The following FBXL2 variants were observed in gnomAD, a reference collection of about 807,000 sequenced individuals.
The protein encoded by FBXL2 is F-box/LRR-repeat protein 2.
Under a neutral mutation model 69.2 loss-of-function variants are expected in FBXL2, and 38 were observed. That is an observed-to-expected ratio of 0.55 (90% confidence interval 0.42 to 0.72). The LOEUF is 0.72. FBXL2 is among the 30% of genes least tolerant of loss of function. FBXL2 has a pLI of 0.00. For synonymous variants in FBXL2, 192 were observed against 201.3 expected, an observed-to-expected ratio of 0.95 and a Z score of 0.39; for missense variants, 354 against 520.3, an observed-to-expected ratio of 0.68 and a Z score of 3.11.
At chr3:33,357,679 G>A (rs900831611) in intron 2 of FBXL2, among the ~76,000 whole-genome samples, 23 of 151,914 alleles carry the variant, frequency 1.5e-4, no homozygotes, top group Non-Finnish European at 2.8e-4. Flanking sequence ...ACAGGTGCCC[G>A]CCACCTCGCC....
chr3:33,411,530 A>G, the FBXL2 span: 1 of 1,489,966 alleles, frequency 6.7e-7, no homozygotes, highest in Non-Finnish European at 9.4e-7. Flanking sequence ...CAATCCTACC[A>G]TGACCTAAAT....
chr3:33,408,541 C>G (rs368364400), downstream of FBXL2: 5 of 569,638 alleles, frequency 8.8e-6, no homozygotes, highest in East Asian at 6.5e-5. Context: ...GAGGAACAAA[C>G]AGAAGCAGGA....
chr3:33,287,989 A>G (rs1355339835), intron 1 of FBXL2, among the ~76,000 whole-genome samples: 1 of 152,058 alleles, frequency 6.6e-6, no homozygotes, highest in Non-Finnish European at 1.5e-5. Flanking sequence ...TCAGATATGG[A>G]CAGCTATGGG....
intron 2 of FBXL2, among the ~76,000 whole-genome samples, chr3:33,355,744 A>C (rs551109312): frequency 6.6e-6 from 1 of 152,370 alleles, no homozygotes; most frequent in East Asian, 1.9e-4. Flanking sequence ...AGCTGAGGCT[A>C]TCACATTTGA....
At chr3:33,303,651 C>A (rs1279883386) in intron 2 of FBXL2, among the ~76,000 whole-genome samples, 4 of 151,968 alleles carry the variant, frequency 2.6e-5, no homozygotes, top group African/African-American at 7.3e-5. Flanking sequence ...GTGAATTTGA[C>A]TGTATGAATC....
At chr3:33,417,004 C>A in the FBXL2 span, among the ~76,000 whole-genome samples, 1 of 152,212 alleles carries the variant, frequency 6.6e-6, no homozygotes, top group Non-Finnish European at 1.5e-5. Context: ...ATCACACCAA[C>A]CTTCTGTTCT....
intron 1 of FBXL2, among the ~76,000 whole-genome samples, chr3:33,282,482 G>T (rs13075125): frequency 2.0e-5 from 3 of 152,002 alleles, no homozygotes; most frequent in African/African-American, 7.2e-5. Flanking sequence ...AGGTAGCATG[G>T]TGCCTCCAGC....
chr3:33,385,248 G>A (rs2043346727), intron 14 of FBXL2, among the ~76,000 whole-genome samples: 1 of 152,094 alleles, frequency 6.6e-6, no homozygotes, highest in South Asian at 2.1e-4. Context: ...CATTCACTTA[G>A]TTTGTAAACA....
the FBXL2 span, among the ~76,000 whole-genome samples, chr3:33,419,175 C>T: frequency 7.2e-5 from 11 of 152,234 alleles, no homozygotes; most frequent in African/African-American, 1.7e-4. Context: ...ACCTCAAAGA[C>T]AGCCAGGAGC....
chr3:33,301,534 C>T (rs2036299054), intron 2 of FBXL2, among the ~76,000 whole-genome samples: 1 of 152,132 alleles, frequency 6.6e-6, no homozygotes, highest in Non-Finnish European at 1.5e-5. Context: ...GTTTTCTTTT[C>T]ATCTGATTTT....
intron 2 of FBXL2, among the ~76,000 whole-genome samples, chr3:33,318,332 A>G (rs946844632): frequency 6.6e-6 from 1 of 152,166 alleles, no homozygotes; most frequent in African/African-American, 2.4e-5. Context: ...TTTTCTAACA[A>G]TCTGAGGCTC....
the FBXL2 span, chr3:33,409,374 T>A: frequency 1.9e-6 from 3 of 1,614,022 alleles, no homozygotes; most frequent in South Asian, 3.3e-5. Context: ...CTATTTCATC[T>A]ATCAGGCTGC....
intron 1 of FBXL2, among the ~76,000 whole-genome samples, chr3:33,286,891 G>A (rs1455351894): frequency 3.9e-5 from 6 of 152,316 alleles, no homozygotes; most frequent in South Asian, 2.1e-4. Context: ...TTGGAAAAGC[G>A]CAGTATTAGA....
At chr3:33,391,195 A>G (rs948473291), downstream of FBXL2, 5 of 152,360 alleles carry the variant, frequency 3.3e-5, no homozygotes, top group Middle Eastern at 3.4e-3. Flanking sequence ...GAGGCGCAAA[A>G]TAAAATCAGT....
the FBXL2 span, among the ~76,000 whole-genome samples, chr3:33,420,474 T>C: frequency 2.0e-5 from 3 of 148,932 alleles, no homozygotes; most frequent in Non-Finnish European, 4.4e-5. Context: ...GACAGGTGTG[T>C]GCCACCATAC....
downstream of FBXL2, among the ~76,000 whole-genome samples, chr3:33,404,999 T>C (rs4678957): frequency 0.25 from 37,502 of 152,096 alleles, 5,367 homozygotes; most frequent in East Asian, 0.47. Flanking sequence ...GGATTTGTTG[T>C]TTTGATAAAT....
intron 1 of FBXL2, among the ~76,000 whole-genome samples, chr3:33,281,085 A>C (rs2033947038): frequency 6.6e-6 from 1 of 152,172 alleles, no homozygotes; most frequent in African/African-American, 2.4e-5. Flanking sequence ...GTTCTAGGGT[A>C]CATGTGCACA....
rs1305557982 is a variant in FBXL2 at position 33,387,709 on chromosome 3, C to T, written c.*2101C>T. ...GGATACAACCTATCATCAGTCACAG[C>T]TATTGGACTTGATGCTCAATGATCC... is the stretch of plus-strand genomic sequence containing the variant. On this transcript the variant is annotated 3_prime_UTR_variant, in exon 15 of 15. Transcript: ENST00000484457. 6.6e-6 allele frequency: 1 copy of T among 152,184 alleles called. No individual in the cohort carries two copies. Among genetic ancestry groups the T allele is most frequent in the African/African-American group, 2.4e-5 (1 of 41,424 alleles). The allele number at this position is 152,184 out of a possible 1,614,324, so 9.4% of individuals were successfully genotyped here. A position where few individuals can be genotyped will look rare whatever the true frequency, so the allele number is the denominator to read the frequency against.
chr3:33,329,071 C>T (rs774733966), intron 2 of FBXL2, among the ~76,000 whole-genome samples: 4 of 151,934 alleles, frequency 2.6e-5, no homozygotes, highest in African/African-American at 4.8e-5. Flanking sequence ...TACCTTCCCC[C>T]GACCCAGATA....
Sources: gnomAD v4.1 joint callset for allele counts (sites outside exome capture counted in the v4.1 genomes callset) on GRCh38, gnomAD v4.1.1 for gene constraint, MANE v1.5 for transcripts, NCBI Gene and HGNC (gene_info 2026-07-23, HGNC 2026-07-21) for gene names.